PSMD9: variants seen among roughly 807,000 people sequenced by gnomAD.
PSMD9 encodes the protein proteasome 26S subunit, non-ATPase 9.
Under a neutral mutation model 25.9 loss-of-function variants are expected in PSMD9, and 26 were observed. The ratio of observed to expected loss-of-function variants is 1.00; its 90% CI spans 0.73 to 1.39. The LOEUF is 1.39. Among genes scored for constraint, PSMD9 ranks in the 40% most tolerant of loss-of-function variants. The pLI is 0.00. For synonymous variants in PSMD9, 110 were observed against 114.5 expected (o/e 0.96, Z 0.25); for missense variants, 303 against 299.3 (o/e 1.01, Z -0.09).
In PSMD9 at chr12:121,917,689, TGG is replaced by T. The variant is rs1424160705; in HGVS notation, c.*1380_*1381del. On this transcript the variant is annotated 3_prime_UTR_variant, in exon 6 of 6. Coordinates refer to ENST00000541212, the MANE Select transcript of PSMD9 (RefSeq NM_002813.7). ...ACACTCAATTCCAAAGCCTTCCTAT[TGG>T]GCGAATTCCCTCAAACTCTATTTGA... The T allele has an allele frequency of 2.0e-5, 3 of 152,244 alleles. No homozygotes were observed. Among genetic ancestry groups the T allele is most frequent in the Non-Finnish European group, 4.4e-5 (3 of 68,054 alleles). 9.4% of individuals were successfully genotyped at this position (152,244 alleles called of 1,614,324 possible). A position where few individuals can be genotyped will look rare whatever the true frequency, so the allele number is the denominator to read the frequency against.
intron 4 of PSMD9, among the ~76,000 whole-genome samples, chr12:121,909,290 G>T (rs1163376005): frequency 6.6e-6 from 1 of 151,854 alleles, no homozygotes; most frequent in Non-Finnish European, 1.5e-5. Flanking sequence ...TCCACACGTG[G>T]GTGCATGCGT....
intron 4 of PSMD9, among the ~76,000 whole-genome samples, chr12:121,904,338 G>A (rs1348478106): frequency 2.0e-5 from 3 of 149,384 alleles, no homozygotes; most frequent in Non-Finnish European, 4.4e-5. Context: ...ACTTTAGGAG[G>A]GCGAGGTGGG....
chr12:121,911,655 T>G (rs1879724489), intron 4 of PSMD9, among the ~76,000 whole-genome samples: 1 of 145,338 alleles, frequency 6.9e-6, no homozygotes, highest in African/African-American at 2.6e-5. Context: ...CTTCAATATA[T>G]GAACTTTTTT....
chr12:121,914,870 A>G (rs1469460859), intron 4 of PSMD9: 2 of 152,132 alleles, frequency 1.3e-5, no homozygotes, highest in African/African-American at 4.8e-5. Context: ...ATAAAGCAAT[A>G]CATACGCATG....
intron 4 of PSMD9, among the ~76,000 whole-genome samples, chr12:121,904,263 C>A (rs1000111435): frequency 2.9e-5 from 4 of 140,190 alleles, no homozygotes; most frequent in Non-Finnish European, 6.3e-5. Context: ...TAAAGAAATT[C>A]TTTTTTTTTT....
chr12:121,894,875 TGTG>T (rs1425293844), intron 2 of PSMD9, 34 bp downstream of exon 2: 5 of 1,550,314 alleles, frequency 3.2e-6, no homozygotes, highest in Non-Finnish European at 4.4e-6. Context: ...TTCCCCACCT[TGTG>T]GTGGGAAGGT....
At chr12:121,890,013 G>A (rs896980571) in intron 1 of PSMD9, among the ~76,000 whole-genome samples, 1 of 152,014 alleles carries the variant, frequency 6.6e-6, no homozygotes, top group East Asian at 1.9e-4. Context: ...TGCCTCCTGG[G>A]TTCAAGTGAT....
chr12:121,907,882 A>G (rs7958406), intron 4 of PSMD9, among the ~76,000 whole-genome samples: 12,005 of 152,046 alleles, frequency 0.079, 904 homozygotes, highest in African/African-American at 0.2. Flanking sequence ...TCTCCAAAAT[A>G]TTTTTTAAGA....
At chr12:121,912,929 C>T (rs1330251299) in intron 4 of PSMD9, among the ~76,000 whole-genome samples, 1 of 139,736 alleles carries the variant, frequency 7.2e-6, no homozygotes, top group African/African-American at 2.6e-5. Context: ...TGCTCATTTT[C>T]TTTTCTTTTC....
intron 1 of PSMD9, 151 bp from the exon 2 acceptor site, chr12:121,894,588 C>G (rs1144030): frequency 1.5e-6 from 1 of 658,112 alleles, no homozygotes; most frequent in Non-Finnish European, 2.7e-6. Flanking sequence ...GTTGTGAGGG[C>G]ATGAGTAGAG....
chr12:121,900,427 A>G (rs2135723639), intron 3 of PSMD9, among the ~76,000 whole-genome samples: 1 of 152,074 alleles, frequency 6.6e-6, no homozygotes, highest in East Asian at 1.9e-4. Flanking sequence ...GCATTGGCTC[A>G]CGCCTGTAAT....
chr12:121,916,526 G>A lies in PSMD9; in HGVS notation c.*215G>A, dbSNP rs1185443376. 1.7e-6 allele frequency: 1 copy of A among 600,102 alleles called. No homozygotes were observed. The highest frequency in any genetic ancestry group is 2.9e-6 in the Non-Finnish European group (1 of 341,776). The allele number at this position is 600,102 out of a possible 1,614,324, so 37.2% of individuals were successfully genotyped here. On this transcript the variant is annotated 3_prime_UTR_variant, in exon 6 of 6. Transcript: ENST00000541212. ...AGGCTTGGCCTCTTTCACAAATTAG[G>A]CCACGGCCCTAAATAGGAATTCCCT...
At chr12:121,897,169 C>G (rs1197668959) in intron 2 of PSMD9, 1 of 152,138 alleles carries the variant, frequency 6.6e-6, no homozygotes, top group Non-Finnish European at 1.5e-5. Flanking sequence ...CTGAGGCCTC[C>G]CAAATATATA....
intron 2 of PSMD9, chr12:121,899,430 T>C (rs1447990622): frequency 1.0e-5 from 6 of 583,178 alleles, no homozygotes; most frequent in Non-Finnish European, 1.8e-5. Flanking sequence ...CAGATGTTAT[T>C]GTAATTACTT....
intron 4 of PSMD9, among the ~76,000 whole-genome samples, chr12:121,905,469 C>T (rs2135727228): frequency 6.6e-6 from 1 of 151,308 alleles, no homozygotes; most frequent in Admixed American, 6.6e-5. Context: ...CGTGATCCAC[C>T]TGCCTTGGCC....
chr12:121,896,836 C>CA (rs755152569), intron 2 of PSMD9, among the ~76,000 whole-genome samples: 10,319 of 57,156 alleles, frequency 0.18, 1,417 homozygotes, highest in African/African-American at 0.43. Flanking sequence ...AACTCTGTCT[C>CA]AAAAAAAAAA....
intron 4 of PSMD9, among the ~76,000 whole-genome samples, chr12:121,907,172 C>T (rs1268480541): frequency 2.6e-5 from 4 of 151,528 alleles, no homozygotes; most frequent in Admixed American, 2.0e-4. Flanking sequence ...CAGATTCAAG[C>T]GATTCTCCTG....
In PSMD9 at chr12:121,896,262, GA is replaced by G. The variant is rs1365483925; in HGVS notation, c.241+1422del. The stretch of plus-strand genomic sequence containing the variant: ...AGGCGGGCAGATCACCTGAGGTCAG[GA>G]GTTTGAGTCTAGCCTGACCAACATG... On this transcript the variant is annotated intron_variant, in intron 2 of 5. Coordinates refer to ENST00000541212, the MANE Select transcript of PSMD9 (RefSeq NM_002813.7). 3.3e-5 allele frequency among the ~76,000 whole-genome samples: 5 copies of G among 152,024 alleles called. 1 individual carries two copies. Among genetic ancestry groups the G allele is most frequent in the Admixed American group, 3.3e-4 (5 of 15,262 alleles).
intron 2 of PSMD9, among the ~76,000 whole-genome samples, chr12:121,896,199 G>C (rs1480530273): frequency 6.6e-6 from 1 of 152,146 alleles, no homozygotes; most frequent in South Asian, 2.1e-4. Flanking sequence ...GCCGGGTGCG[G>C]TGGCTCATGC....
Sources: allele counts gnomAD v4.1 joint callset (sites outside exome capture counted in the v4.1 genomes callset), GRCh38; gene constraint gnomAD v4.1.1; transcripts MANE v1.5; gene names NCBI Gene and HGNC (gene_info 2026-07-23, HGNC 2026-07-21).